The following ACVR1C variants were observed in gnomAD, a reference collection of about 807,000 sequenced individuals.
The protein encoded by ACVR1C is activin A receptor type 1C, also known as activin receptor type-1C.
ACVR1C carries 23 observed loss-of-function variants against 57.9 expected under a neutral mutation model. That is an observed-to-expected ratio of 0.40 (90% CI 0.29 to 0.56). The LOEUF (loss-of-function observed/expected upper bound fraction) is 0.56, where lower values mean the gene tolerates loss of function less well. Ranked by LOEUF, ACVR1C falls within the 20% of genes least tolerant of loss-of-function variation. The probability of loss-of-function intolerance (pLI) is 0.50; values close to 1 mark genes in which losing one functional copy is unlikely to be tolerated. For missense variants in ACVR1C, 480 were observed against 607.9 expected (o/e 0.79, Z 2.21); for synonymous variants, 214 against 215.3 (o/e 0.99, Z 0.05).
At chr2:157,539,909 T>C (rs1687581940) in intron 7 of ACVR1C, among the ~76,000 whole-genome samples, 1 of 152,232 alleles carries the variant, frequency 6.6e-6, no homozygotes, top group Admixed American at 6.5e-5. Flanking sequence ...TGTTTGCTCA[T>C]TCAGACATAA....
chr2:157,544,706 C>A, intron 4 of ACVR1C, 94 bp from the exon 5 acceptor site: 2 of 1,093,410 alleles, frequency 1.8e-6, no homozygotes, highest in Non-Finnish European at 1.3e-6. Flanking sequence ...GTATTGTTAA[C>A]AAAGCAAAGT....
chr2:157,538,672 A>G lies in ACVR1C; in HGVS notation c.1257T>C (p.Tyr419=). 1 of 1,559,194 alleles carries G rather than the reference A, an allele frequency of 6.4e-7. No individual in the cohort carries two copies. Among genetic ancestry groups the G allele is most frequent in the Non-Finnish European group, 8.7e-7 (1 of 1,154,748 alleles). The change falls in exon 8 of 9, where the codon TAT becomes TAC. Residue 419 remains tyrosine, a synonymous_variant. Coordinates refer to ENST00000243349, the MANE Select transcript of ACVR1C (RefSeq NM_145259.3). ...TCGAGGGATCTGAAGGCACCATGTCATAATAAGGCAATTGGTACTCCTCAA... is the reference window on the plus strand; with the variant it reads ...TCGAGGGATCTGAAGGCACCATGTCGTAATAAGGCAATTGGTACTCCTCAA... ...GIVEEYQLPY[Y]DMVPSDPSIE...
At chr2:157,572,215 G>A (rs1489458599) in intron 2 of ACVR1C, among the ~76,000 whole-genome samples, 2 of 122,254 alleles carry the variant, frequency 1.6e-5, no homozygotes, top group Non-Finnish European at 3.4e-5. Flanking sequence ...GGGGACTGTG[G>A]TGGGGTCGGG....
At chr2:157,558,533 A>T (rs1475908535) in intron 2 of ACVR1C, among the ~76,000 whole-genome samples, 3 of 152,260 alleles carry the variant, frequency 2.0e-5, no homozygotes, top group African/African-American at 7.2e-5. Context: ...ATCTATTATC[A>T]GTAAGTAAAA....
intron 1 of ACVR1C, among the ~76,000 whole-genome samples, chr2:157,624,878 T>C (rs191742111): frequency 1.7e-3 from 255 of 152,350 alleles, no homozygotes; most frequent in Non-Finnish European, 2.8e-3. Context: ...AAATTGGAAT[T>C]AAACAGCAAT....
In ACVR1C at chr2:157,623,546, C is replaced by A. The variant is rs571251039; in HGVS notation, c.73+5026G>T. Among the ~76,000 whole-genome samples, 20 of 150,390 alleles carry A rather than the reference C, an allele frequency of 1.3e-4. No homozygotes were observed. The South Asian group carries it at 4.0e-3, about 30-fold the overall frequency. On this transcript the variant is annotated intron_variant, in intron 1 of 8. Transcript: ENST00000243349. ...ACATGTTCTCACTTATTTGTGGGATCTAAAAATCAAACTCATGGTCAGAGA... is the reference window on the plus strand; with the variant it reads ...ACATGTTCTCACTTATTTGTGGGATATAAAAATCAAACTCATGGTCAGAGA...
chr2:157,600,349 A>G (rs1682253056), intron 1 of ACVR1C, among the ~76,000 whole-genome samples: 1 of 152,246 alleles, frequency 6.6e-6, no homozygotes, highest in South Asian at 2.1e-4. Context: ...ATGCCATGAA[A>G]TACAAAAAAT....
intron 1 of ACVR1C, among the ~76,000 whole-genome samples, chr2:157,600,878 A>G (rs1682262806): frequency 6.6e-6 from 1 of 152,208 alleles, no homozygotes; most frequent in Non-Finnish European, 1.5e-5. Flanking sequence ...TTGTGCAAAC[A>G]TAAAAAGGGC....
intron 4 of ACVR1C, among the ~76,000 whole-genome samples, chr2:157,548,313 T>C (rs1442172073): frequency 4.1e-5 from 6 of 145,626 alleles, no homozygotes; most frequent in Non-Finnish European, 6.0e-5. Context: ...TCCATGCTCA[T>C]GGGTAGGAAG....
At chr2:157,550,474 A>G in intron 3 of ACVR1C, 82 bp from the exon 4 acceptor site, 1 of 1,302,230 alleles carries the variant, frequency 7.7e-7, no homozygotes, top group African/African-American at 1.5e-5. Context: ...TCAGATTTTA[A>G]AAAAGCAAAC....
At chr2:157,576,940 C>T (rs1218586284) in intron 2 of ACVR1C, among the ~76,000 whole-genome samples, 3 of 54,768 alleles carry the variant, frequency 5.5e-5, no homozygotes, top group South Asian at 3.8e-4. Flanking sequence ...CTGCAAGCTC[C>T]GCTTCCCGGG....
Position 157,600,136 on chromosome 2 carries a change from GA to G in ACVR1C, c.74-12720del, listed in dbSNP as rs1405510839. On this transcript the variant is annotated intron_variant, in intron 1 of 8. Coordinates refer to ENST00000243349, the MANE Select transcript of ACVR1C (RefSeq NM_145259.3). ...TTGCCCTAGAATCACAGTTGAGGAA[GA>G]AAACTGTTCAGGAGAATCATGTATT... 2.6e-5 allele frequency among the ~76,000 whole-genome samples: 4 copies of G among 152,312 alleles called. No individual in the cohort carries two copies. The East Asian group carries it at 5.8e-4, about 22-fold the overall frequency.
intron 4 of ACVR1C, 58 bp downstream of exon 4, chr2:157,550,102 GAC>G: frequency 7.1e-7 from 1 of 1,410,816 alleles, no homozygotes; most frequent in Non-Finnish European, 9.7e-7. Flanking sequence ...TTTTTTTTGA[GAC>G]AGAGTCTCGC....
chr2:157,546,563 A>C lies in ACVR1C; in HGVS notation c.776-1951T>G, dbSNP rs186503561. Among the ~76,000 whole-genome samples the C allele has an allele frequency of 1.5e-3, 229 of 152,136 alleles. 1 individual carries two copies. Among genetic ancestry groups the C allele is most frequent in the African/African-American group, 5.2e-3 (214 of 41,514 alleles). On this transcript the variant is annotated intron_variant, in intron 4 of 8. Transcript: ENST00000243349. ...ATAATTTGTCTTAACCCTTTTTTAG[A>C]TTGGGGTTACAATCTTGACTCTACC...
chr2:157,549,723 C>A (rs937505413), intron 4 of ACVR1C, among the ~76,000 whole-genome samples: 1 of 151,474 alleles, frequency 6.6e-6, no homozygotes, highest in East Asian at 2.0e-4. Context: ...CGGTGGCTCA[C>A]GCCTGTAATC....
Position 157,533,730 on chromosome 2 carries a change from T to C in ACVR1C, c.*188A>G, listed in dbSNP as rs985757622. 8.0e-6 allele frequency: 3 copies of C among 375,060 alleles called. No individual in the cohort carries two copies. The highest frequency in any genetic ancestry group is 9.5e-5 in the Admixed American group (2 of 21,104). The allele number at this position is 375,060 out of a possible 1,614,324, so 23.2% of individuals were successfully genotyped here. A position where few individuals can be genotyped will look rare whatever the true frequency, so the allele number is the denominator to read the frequency against. ...AATAAAATTAAACATAACATAGAGA[T>C]TGGATGAAGTCAACTCCTGCCCATG... On this transcript the variant is annotated 3_prime_UTR_variant, in exon 9 of 9. Transcript: ENST00000243349.
intron 2 of ACVR1C, among the ~76,000 whole-genome samples, chr2:157,564,619 G>A (rs1294738239): frequency 6.6e-6 from 1 of 152,074 alleles, no homozygotes. Context: ...ATACCCAAAG[G>A]AATATAAACC....
chr2:157,544,593 T>G lies in ACVR1C; in HGVS notation c.795A>C (p.Gln265His). ...ADNKDNGTWTQLWLVSEYHEQ... is the reference protein window; with the variant it reads ...ADNKDNGTWTHLWLVSEYHEQ... ...CATGATATTCAGATACCAGCCAAAG[T>G]TGAGTCCAAGTTCCATTATCTAACA... is the stretch of plus-strand genomic sequence containing the variant. The change falls in exon 5 of 9, where the codon CAA becomes CAC. Residue 265 changes from glutamine to histidine, a missense_variant. Physicochemically the swap from Gln to His is conservative, Grantham distance 24. Transcript: ENST00000243349. 6.2e-7 allele frequency: 1 copy of G among 1,611,692 alleles called. No individual in the cohort carries two copies. The highest frequency in any genetic ancestry group is 8.5e-7 in the Non-Finnish European group (1 of 1,179,090).
intron 1 of ACVR1C, among the ~76,000 whole-genome samples, chr2:157,609,671 C>G (rs1034876450): frequency 1.7e-4 from 26 of 151,982 alleles, no homozygotes; most frequent in African/African-American, 6.3e-4. Context: ...ATTGTTATAT[C>G]TGCTTGCTGG....
Sources: gnomAD v4.1 joint callset for allele counts (sites outside exome capture counted in the v4.1 genomes callset) on GRCh38, gnomAD v4.1.1 for gene constraint, MANE v1.5 for transcripts, NCBI Gene and HGNC (gene_info 2026-07-23, HGNC 2026-07-21) for gene names.